Variants in AOPEP observed in about 807,000 individuals in gnomAD.
AOPEP encodes the protein aminopeptidase O (putative).
A neutral mutation model predicts 98.1 loss-of-function variants in AOPEP; 77 were observed. The ratio of observed to expected loss-of-function variants is 0.78; its 90% CI spans 0.65 to 0.95. The LOEUF (loss-of-function observed/expected upper bound fraction) is 0.95, where lower values mean the gene tolerates loss of function less well. AOPEP is among the 40% of genes least tolerant of loss of function. AOPEP has a pLI of 0.00. For synonymous variants in AOPEP, 346 were observed against 365.3 expected (o/e 0.95, Z 0.60); for missense variants, 1,024 against 1,024.7 (o/e 1.00, Z 0.01).
chr9:94,848,739 A>G (rs1217348788), intron 5 of AOPEP, among the ~76,000 whole-genome samples: 1 of 152,210 alleles, frequency 6.6e-6, no homozygotes, highest in African/African-American at 2.4e-5. Context: ...TACCAAGCTA[A>G]TAGCCCAGGT....
chr9:95,146,418 T>C, the AOPEP span, among the ~76,000 whole-genome samples: 2 of 126,252 alleles, frequency 1.6e-5, no homozygotes, highest in African/African-American at 6.3e-5. Context: ...AGCCTGGGAG[T>C]TTGAGACTAC....
chr9:95,131,661 C>T, the AOPEP span, among the ~76,000 whole-genome samples: 1 of 152,224 alleles, frequency 6.6e-6, no homozygotes, highest in African/African-American at 2.4e-5. Context: ...TGTTCAATTA[C>T]ATGCACCACA....
intron 5 of AOPEP, among the ~76,000 whole-genome samples, chr9:94,892,410 C>G (rs1020280958): frequency 9.8e-5 from 15 of 152,306 alleles, no homozygotes; most frequent in African/African-American, 3.6e-4. Context: ...TTCATTGATT[C>G]TATCTCCACT....
chr9:95,052,099 A>ATTTTT (rs2066428532), intron 13 of AOPEP, among the ~76,000 whole-genome samples: 1 of 152,246 alleles, frequency 6.6e-6, no homozygotes, highest in Non-Finnish European at 1.5e-5. Flanking sequence ...GTGTTGCTAT[A>ATTTTT]TAAATTTGCT....
intron 7 of AOPEP, among the ~76,000 whole-genome samples, chr9:94,942,480 G>T (rs1459432593): frequency 6.6e-6 from 1 of 152,168 alleles, no homozygotes. Flanking sequence ...TGCTTTACAG[G>T]AGTTCTTGCC....
chr9:95,106,065 C>T, the AOPEP span, among the ~76,000 whole-genome samples: 5 of 152,194 alleles, frequency 3.3e-5, no homozygotes, highest in African/African-American at 4.8e-5. Flanking sequence ...AGTAGCTGCA[C>T]GACGTTAATG....
chr9:94,768,896 G>A (rs1564099747), intron 2 of AOPEP, among the ~76,000 whole-genome samples: 1 of 152,238 alleles, frequency 6.6e-6, no homozygotes. Context: ...CTGCCTGCAC[G>A]TCTATCCTAT....
At chr9:94,797,523 A>G (rs902996655) in intron 4 of AOPEP, among the ~76,000 whole-genome samples, 1 of 152,108 alleles carries the variant, frequency 6.6e-6, no homozygotes, top group Admixed American at 6.6e-5. Flanking sequence ...TCATAGAATC[A>G]TAGTGCCAGA....
At chr9:94,996,097 CT>C in intron 11 of AOPEP, among the ~76,000 whole-genome samples, 1 of 152,136 alleles carries the variant, frequency 6.6e-6, no homozygotes, top group Non-Finnish European at 1.5e-5. Context: ...CTGGGCTTTC[CT>C]TATATGGACA....
At chr9:94,822,006 C>G (rs1170880291) in intron 5 of AOPEP, among the ~76,000 whole-genome samples, 1 of 146,884 alleles carries the variant, frequency 6.8e-6, no homozygotes, top group Non-Finnish European at 1.5e-5. Flanking sequence ...CACACACACA[C>G]ACACACGCAG....
intron 5 of AOPEP, among the ~76,000 whole-genome samples, chr9:94,868,204 C>T (rs1319514842): frequency 6.6e-6 from 1 of 152,210 alleles, no homozygotes; most frequent in Non-Finnish European, 1.5e-5. Flanking sequence ...AGGCCTGTGT[C>T]ACTCATTCCC....
At chr9:95,041,588 G>A (rs1484026369) in intron 13 of AOPEP, among the ~76,000 whole-genome samples, 2 of 151,944 alleles carry the variant, frequency 1.3e-5, no homozygotes, top group African/African-American at 2.4e-5. Flanking sequence ...CAGCCTTTAG[G>A]GGTAAATAAA....
intron 5 of AOPEP, among the ~76,000 whole-genome samples, chr9:94,907,837 G>A (rs901179752): frequency 3.3e-5 from 5 of 152,182 alleles, no homozygotes; most frequent in African/African-American, 1.2e-4. Context: ...CAAATTTAAG[G>A]GCAAGATTAG....
At chr9:95,012,673 G>A (rs550316346) in intron 13 of AOPEP, among the ~76,000 whole-genome samples, 1 of 152,040 alleles carries the variant, frequency 6.6e-6, no homozygotes, top group Non-Finnish European at 1.5e-5. Flanking sequence ...ACAGCAGCGT[G>A]TATCGAGTCT....
the AOPEP span, among the ~76,000 whole-genome samples, chr9:95,143,446 C>T: frequency 6.6e-6 from 1 of 152,082 alleles, no homozygotes; most frequent in South Asian, 2.1e-4. Context: ...TCTGGGGGCC[C>T]ACCAGGAGTC....
At chr9:95,077,791 A>G (rs1221569541) in intron 14 of AOPEP, among the ~76,000 whole-genome samples, 1 of 152,164 alleles carries the variant, frequency 6.6e-6, no homozygotes, top group Non-Finnish European at 1.5e-5. Context: ...GACTGATGTC[A>G]TCCCCACTCC....
intron 5 of AOPEP, among the ~76,000 whole-genome samples, chr9:94,835,883 TC>T (rs2041536426): frequency 6.6e-6 from 1 of 152,188 alleles, no homozygotes; most frequent in Non-Finnish European, 1.5e-5. Flanking sequence ...CAGTGGGTTT[TC>T]TAGATTCTTC....
chr9:94,903,912 A>AAAAT (rs59958809), intron 5 of AOPEP, among the ~76,000 whole-genome samples: 1 of 149,004 alleles, frequency 6.7e-6, no homozygotes, highest in African/African-American at 2.5e-5. Flanking sequence ...AAAAAAAAAA[A>AAAAT]GTTCAAAAAA....
At chr9:94,882,686 G>GA (rs1355212663) in intron 5 of AOPEP, among the ~76,000 whole-genome samples, 15 of 152,254 alleles carry the variant, frequency 9.9e-5, no homozygotes, top group Non-Finnish European at 1.2e-4. Context: ...TGAGGCAGGA[G>GA]AATCTCTTGA....
Sources: gnomAD v4.1 joint callset for allele counts (sites outside exome capture counted in the v4.1 genomes callset) on GRCh38, gnomAD v4.1.1 for gene constraint, MANE v1.5 for transcripts, NCBI Gene and HGNC (gene_info 2026-07-23, HGNC 2026-07-21) for gene names.